Variants in CDK14 observed in about 807,000 individuals in gnomAD.
CDK14 encodes cyclin dependent kinase 14, also known as cyclin-dependent kinase 14.
CDK14 carries 34 observed loss-of-function variants against 60.7 expected under a neutral mutation model. The ratio of observed to expected loss-of-function variants is 0.56; its 90% CI spans 0.43 to 0.75. CDK14 has a LOEUF of 0.75. CDK14 is among the 30% of genes least tolerant of loss of function. The probability of loss-of-function intolerance (pLI) is 0.00; values close to 1 mark genes in which losing one functional copy is unlikely to be tolerated. For missense variants in CDK14, 482 were observed against 564.1 expected (o/e 0.85, Z 1.47); for synonymous variants, 197 against 203.7 (o/e 0.97, Z 0.28).
intron 10 of CDK14, among the ~76,000 whole-genome samples, chr7:91,001,319 C>T (rs921589285): frequency 6.6e-6 from 1 of 151,960 alleles, no homozygotes; most frequent in Non-Finnish European, 1.5e-5. Context: ...TGTGTTCTAC[C>T]AAAAATAATG....
At chr7:91,117,731 G>T (rs1324333454) in intron 13 of CDK14, among the ~76,000 whole-genome samples, 1 of 152,132 alleles carries the variant, frequency 6.6e-6, no homozygotes, top group Non-Finnish European at 1.5e-5. Context: ...CCAGAACAGT[G>T]TGAGGCTCAA....
chr7:90,617,812 A>G (rs1267900418), intron 2 of CDK14, among the ~76,000 whole-genome samples: 2 of 152,168 alleles, frequency 1.3e-5, no homozygotes, highest in East Asian at 3.9e-4. Context: ...GTTTAGTAAA[A>G]ATTTCCTGCT....
intron 5 of CDK14, among the ~76,000 whole-genome samples, chr7:90,816,608 A>G (rs1044874759): frequency 3.3e-5 from 5 of 152,198 alleles, no homozygotes; most frequent in African/African-American, 1.2e-4. Context: ...AGGAGATATA[A>G]CAAGATATTG....
chr7:91,088,985 G>T (rs1412181426), intron 12 of CDK14, among the ~76,000 whole-genome samples: 2 of 152,122 alleles, frequency 1.3e-5, no homozygotes, highest in Non-Finnish European at 2.9e-5. Flanking sequence ...TATTGCAAAA[G>T]AATCGATTTG....
intron 2 of CDK14, among the ~76,000 whole-genome samples, chr7:90,650,127 C>G (rs576055172): frequency 6.6e-6 from 1 of 152,304 alleles, no homozygotes; most frequent in South Asian, 2.1e-4. Flanking sequence ...TCTGTTGTTT[C>G]CTGACATTTT....
At chr7:90,928,395 G>T (rs1793489391) in intron 8 of CDK14, among the ~76,000 whole-genome samples, 1 of 152,068 alleles carries the variant, frequency 6.6e-6, no homozygotes, top group Non-Finnish European at 1.5e-5. Context: ...GTACAGATGG[G>T]GTTTTGGTGT....
At chr7:91,189,843 A>G (rs915473380) in intron 14 of CDK14, among the ~76,000 whole-genome samples, 1 of 152,210 alleles carries the variant, frequency 6.6e-6, no homozygotes, top group African/African-American at 2.4e-5. Flanking sequence ...AACTGCCATC[A>G]CAATACCATA....
rs765596246 is a variant in CDK14, at chr7:90,851,042, CA to C, written c.545-12126del. ...AGATAAAGGGAAACCATGACCACAG[CA>C]AAAAAACTAGGAATGGATGCAAGAA... On this transcript the variant is annotated intron_variant, in intron 5 of 14. Transcript: ENST00000380050. 1.6e-4 allele frequency among the ~76,000 whole-genome samples: 25 copies of C among 151,650 alleles called. No homozygotes were observed. In the Middle Eastern group the frequency reaches 0.014, roughly 83 times the overall value.
rs764433425 is a variant in CDK14, at chr7:91,209,317, G to A, written c.*2181G>A. 3 of 152,172 alleles carry A rather than the reference G, an allele frequency of 2.0e-5. No homozygotes were observed. Among genetic ancestry groups the A allele is most frequent in the Non-Finnish European group, 4.4e-5 (3 of 68,040 alleles). The allele number at this position is 152,172 out of a possible 1,614,324, so 9.4% of individuals were successfully genotyped here. On this transcript the variant is annotated 3_prime_UTR_variant, in exon 15 of 15. Transcript: ENST00000380050. ...GGACGGAGAAATCTGTTTTGTTACA[G>A]AGACATGCCTCTCAGAAGGTCAGGA...
At chr7:90,934,410 T>C (rs1793690035) in intron 8 of CDK14, among the ~76,000 whole-genome samples, 2 of 152,210 alleles carry the variant, frequency 1.3e-5, no homozygotes. Flanking sequence ...AGGAGAGTGA[T>C]AGCCAAGGCT....
intron 8 of CDK14, among the ~76,000 whole-genome samples, chr7:90,928,910 GCCTCAGCAATGGCGACGCCCCTC>G (rs374624145): frequency 9.9e-5 from 15 of 152,160 alleles, no homozygotes; most frequent in African/African-American, 3.6e-4. Context: ...ACCTACTCAA[GCCTCAGCAATGGCGACGCCCCTC>G]CCTCAGCCTG....
At chr7:91,124,550 A>G (rs188627718) in intron 14 of CDK14, among the ~76,000 whole-genome samples, 108 of 152,002 alleles carry the variant, frequency 7.1e-4, no homozygotes, top group Admixed American at 4.4e-3. Context: ...AAAGTGGCTG[A>G]AAGAGAGGAA....
intron 6 of CDK14, among the ~76,000 whole-genome samples, chr7:90,893,332 G>A (rs1001039961): frequency 1.3e-5 from 2 of 152,180 alleles, no homozygotes. Context: ...GCCATGGTAG[G>A]GATTGGAGGG....
intron 2 of CDK14, among the ~76,000 whole-genome samples, chr7:90,702,260 G>A (rs1584803507): frequency 6.6e-6 from 1 of 152,132 alleles, no homozygotes; most frequent in Admixed American, 6.5e-5. Flanking sequence ...AAAAGGATTC[G>A]ACTAATATTT....
intron 5 of CDK14, among the ~76,000 whole-genome samples, chr7:90,800,287 A>C (rs1788589042): frequency 6.6e-6 from 1 of 152,208 alleles, no homozygotes; most frequent in Non-Finnish European, 1.5e-5. Context: ...AAGGAAAAAG[A>C]ACAACTTCTT....
At chr7:90,915,540 A>G (rs1311781497) in intron 7 of CDK14, among the ~76,000 whole-genome samples, 1 of 152,198 alleles carries the variant, frequency 6.6e-6, no homozygotes, top group African/African-American at 2.4e-5. Context: ...CTCAGTTGGA[A>G]TCAGTTCTCA....
At chr7:90,863,805 T>G (rs1025796940) in intron 6 of CDK14, among the ~76,000 whole-genome samples, 1 of 152,060 alleles carries the variant, frequency 6.6e-6, no homozygotes, top group Non-Finnish European at 1.5e-5. Flanking sequence ...TAGTACACAA[T>G]GTAATGATCT....
intron 2 of CDK14, among the ~76,000 whole-genome samples, chr7:90,635,862 T>C (rs1390631078): frequency 6.6e-6 from 1 of 151,878 alleles, no homozygotes; most frequent in African/African-American, 2.4e-5. Context: ...CCCTTGTAAG[T>C]TGGATTCCTA....
chr7:91,117,068 A>G (rs1799629660), intron 13 of CDK14, among the ~76,000 whole-genome samples: 1 of 145,198 alleles, frequency 6.9e-6, no homozygotes. Flanking sequence ...GACACTCAAC[A>G]TTTCCATTTG....
Sources: allele counts gnomAD v4.1 joint callset (sites outside exome capture counted in the v4.1 genomes callset), GRCh38; gene constraint gnomAD v4.1.1; transcripts MANE v1.5; gene names NCBI Gene and HGNC (gene_info 2026-07-23, HGNC 2026-07-21).